Variants in TTF1 observed in about 807,000 individuals in gnomAD.
TTF1 encodes transcription termination factor, RNA polymerase I.
In TTF1, 64 loss-of-function variants were observed where a neutral mutation model predicts 80.2. The ratio of observed to expected loss-of-function variants is 0.80; its 90% CI spans 0.65 to 0.98. The LOEUF (loss-of-function observed/expected upper bound fraction) is 0.98, where lower values mean the gene tolerates loss of function less well. Ranked by LOEUF, TTF1 falls within the 50% of genes least tolerant of loss-of-function variation. The probability of loss-of-function intolerance (pLI) is 0.00; values close to 1 mark genes in which losing one functional copy is unlikely to be tolerated. For missense variants in TTF1, 1,023 were observed against 1,086.2 expected (o/e 0.94, Z 0.82); for synonymous variants, 372 against 382.7 (o/e 0.97, Z 0.33).
chr9:132,389,755 G>A (rs907034678), intron 7 of TTF1, among the ~76,000 whole-genome samples: 4 of 152,144 alleles, frequency 2.6e-5, no homozygotes, highest in African/African-American at 4.8e-5. Flanking sequence ...ATCCAGCTCC[G>A]CGACTCTCCA....
At chr9:132,399,215 GAAA>G (rs55751097) in intron 3 of TTF1, among the ~76,000 whole-genome samples, 1 of 130,838 alleles carries the variant, frequency 7.6e-6, no homozygotes, top group Non-Finnish European at 1.6e-5. Context: ...AAAAAAAAAA[GAAA>G]AAAAAAAAAG....
intron 3 of TTF1, 130 bp from the exon 4 acceptor site, chr9:132,398,456 C>T: frequency 2.3e-6 from 2 of 875,478 alleles, no homozygotes; most frequent in Non-Finnish European, 3.4e-6. Context: ...ATTCGCCCTC[C>T]TGCCCGCACT....
Position 132,386,639 on chromosome 9 carries a change from A to G in TTF1, c.2313-18T>C. 6.3e-7 allele frequency: 1 copy of G among 1,598,810 alleles called. No individual in the cohort carries two copies. The highest frequency in any genetic ancestry group is 1.1e-5 in the South Asian group (1 of 90,360). ...CATACAACCTGTGAGAAAAAATAAA[A>G]ATTAAATTTTCAAGCAAAAATAATC... On this transcript the variant is annotated intron_variant, in intron 8 of 10. Transcript: ENST00000334270.
chr9:132,393,269 G>GCC (rs11448230), intron 5 of TTF1, among the ~76,000 whole-genome samples: 7,005 of 148,154 alleles, frequency 0.047, 174 homozygotes, highest in African/African-American at 0.062. Flanking sequence ...TTGGGAGCAA[G>GCC]CCCCCCCCGC....
chr9:132,397,328 T>C (rs778108504), intron 4 of TTF1, among the ~76,000 whole-genome samples: 12 of 152,254 alleles, frequency 7.9e-5, no homozygotes, highest in Non-Finnish European at 1.6e-4. Flanking sequence ...CGTACTAGCC[T>C]GCTTTTCTTC....
intron 9 of TTF1, among the ~76,000 whole-genome samples, chr9:132,386,048 T>G (rs1025919648): frequency 6.6e-6 from 1 of 152,150 alleles, no homozygotes; most frequent in Non-Finnish European, 1.5e-5. Flanking sequence ...ATAAAAGGTA[T>G]GTACTGGGAA....
intron 8 of TTF1, among the ~76,000 whole-genome samples, chr9:132,387,252 T>C (rs1477169418): frequency 6.6e-6 from 1 of 152,106 alleles, no homozygotes; most frequent in Non-Finnish European, 1.5e-5. Context: ...CCGAGCCAAG[T>C]TAAGACCTTA....
chr9:132,405,004 G>A (rs1564192066), intron 1 of TTF1, among the ~76,000 whole-genome samples: 1 of 151,438 alleles, frequency 6.6e-6, no homozygotes, highest in Admixed American at 6.6e-5. Context: ...TCCTGCCTCA[G>A]CCTCCCGAGT....
chr9:132,393,228 A>G (rs952151482), intron 5 of TTF1, among the ~76,000 whole-genome samples: 3 of 152,214 alleles, frequency 2.0e-5, no homozygotes, highest in Non-Finnish European at 2.9e-5. Flanking sequence ...TGAGAAATGT[A>G]AAGTGCATTC....
rs1326027394 is a variant in TTF1 at position 132,376,051 on chromosome 9, G to A, written c.2582C>T (p.Pro861Leu). 2 of 1,614,164 alleles carry A rather than the reference G, an allele frequency of 1.2e-6. No individual in the cohort carries two copies. Among genetic ancestry groups the A allele is most frequent in the Non-Finnish European group, 1.7e-6 (2 of 1,180,044 alleles). The change falls in exon 11 of 11, where the codon CCA becomes CTA. Residue 861 changes from proline to leucine, a missense_variant. Pro to Leu is a moderately conservative substitution (Grantham distance 98). Coordinates refer to ENST00000334270, the MANE Select transcript of TTF1 (RefSeq NM_007344.4). ...TTCATAATAAAAGATGTCTCGAAAT[G>A]GGAAAACTTGCTTGGGTGCTGCAGG... The part of the protein sequence containing the change: ...QTPAAPKQVF[P>L]FRDIFYYEDD...
At chr9:132,388,250 CAT>C (rs758870124) in intron 7 of TTF1, 22 bp from the exon 8 acceptor site, 144 of 1,539,504 alleles carry the variant, frequency 9.4e-5, no homozygotes, top group Non-Finnish European at 1.2e-4. Flanking sequence ...GGAAGAAAAA[CAT>C]AGTTTACTTT....
chr9:132,394,828 G>A (rs556987332), intron 5 of TTF1, among the ~76,000 whole-genome samples: 2 of 152,082 alleles, frequency 1.3e-5, no homozygotes, highest in South Asian at 4.2e-4. Flanking sequence ...AGGAGGTGGA[G>A]GTTCCAATGA....
chr9:132,381,950 G>C (rs1317902645), intron 9 of TTF1, among the ~76,000 whole-genome samples: 1 of 152,172 alleles, frequency 6.6e-6, no homozygotes, highest in African/African-American at 2.4e-5. Flanking sequence ...GGCTGCAGCA[G>C]CCTCACCCCA....
At chr9:132,394,308 C>T (rs1304039528) in intron 5 of TTF1, among the ~76,000 whole-genome samples, 1 of 151,568 alleles carries the variant, frequency 6.6e-6, no homozygotes, top group Non-Finnish European at 1.5e-5. Context: ...GAGGCGGAGT[C>T]TTGCTGTGTT....
At chr9:132,396,877 CAGGCTGTTTCATTTGGTGA>C (rs1337564202) in intron 4 of TTF1, among the ~76,000 whole-genome samples, 1 of 151,888 alleles carries the variant, frequency 6.6e-6, no homozygotes, top group Non-Finnish European at 1.5e-5. Context: ...TAAATGAAAC[CAGGCTGTTTCATTTGGTGA>C]AGGCTGCTTC....
chr9:132,402,239 C>T lies in TTF1; in HGVS notation c.583G>A (p.Glu195Lys). The T allele has an allele frequency of 1.2e-6, 2 of 1,614,148 alleles. No homozygotes were observed. The highest frequency in any genetic ancestry group is 1.7e-6 in the Non-Finnish European group (2 of 1,180,040). ...GGACCCACAGAAAGCCAGGACTCCT[C>T]CTGGTGGGATTCTGACTGAGGCAGG... ...DTLPQSESHQ[E>K]ESWLSVGPGG... Residue 195 changes from glutamate to lysine, a missense_variant, in exon 2 of 11, where the codon GAG (glutamate) becomes AAG (lysine). By Grantham distance (56) the Glu-to-Lys change is moderately conservative. Transcript: ENST00000334270.
Position 132,392,124 on chromosome 9 carries a change from C to A in TTF1, c.1939G>T (p.Ala647Ser). ...AGGGCCACGGAGAGGCTACTTCGGG[C>A]CACCATCTCACCAATCGTCTTCCAG... Reference protein sequence around the residue: ...NDWKTIGEMVARSSLSVALKF... With the variant: ...NDWKTIGEMVSRSSLSVALKF... The change falls in exon 6 of 11, where the codon GCC (alanine) becomes TCC (serine). Residue 647 changes from alanine to serine, a missense_variant. Coordinates refer to ENST00000334270, the MANE Select transcript of TTF1 (RefSeq NM_007344.4). 1 of 1,614,102 alleles carries A rather than the reference C, an allele frequency of 6.2e-7. No homozygotes were observed. The highest frequency in any genetic ancestry group is 2.2e-5 in the East Asian group (1 of 44,878).
At chr9:132,401,378 T>C in intron 2 of TTF1, 77 bp downstream of exon 2, 3 of 1,249,726 alleles carry the variant, frequency 2.4e-6, no homozygotes, top group Non-Finnish European at 3.1e-6. Context: ...AAAAAAAGTC[T>C]GTGCTAAATA....
chr9:132,388,006 C>T, intron 8 of TTF1, 133 bp downstream of exon 8: 1 of 611,992 alleles, frequency 1.6e-6, no homozygotes, highest in Non-Finnish European at 2.8e-6. Context: ...GTCATATGCC[C>T]ACAATACATG....
Sources: allele counts gnomAD v4.1 joint callset (sites outside exome capture counted in the v4.1 genomes callset), GRCh38; gene constraint gnomAD v4.1.1; transcripts MANE v1.5; gene names NCBI Gene and HGNC (gene_info 2026-07-23, HGNC 2026-07-21).